The following MYOM1 variants were observed in gnomAD, a reference collection of about 807,000 sequenced individuals.
MYOM1 encodes the protein myomesin 1, also known as myomesin-1.
A neutral mutation model predicts 205.3 loss-of-function variants in MYOM1; 164 were observed. The observed-to-expected ratio is 0.80, with a 90% CI of 0.70 to 0.91. MYOM1 has a LOEUF of 0.91. Among genes scored for constraint, MYOM1 ranks in the 40% least tolerant of loss-of-function variants. The pLI, the probability that MYOM1 is intolerant of heterozygous loss-of-function variation, is 0.00. For missense variants in MYOM1, 2,011 were observed against 2,127.3 expected (o/e 0.95, Z 1.08); for synonymous variants, 772 against 789.4 (o/e 0.98, Z 0.37).
At chr18:3,221,476 G>T (rs545718395), upstream of MYOM1, among the ~76,000 whole-genome samples, 89 of 152,334 alleles carry the variant, frequency 5.8e-4, no homozygotes, top group African/African-American at 1.9e-3. Flanking sequence ...TACCTTGCAA[G>T]GTACAGCTTC....
At chr18:3,114,523 A>ACATGCCAC (rs1253537993) in intron 21 of MYOM1, among the ~76,000 whole-genome samples, 1 of 146,884 alleles carries the variant, frequency 6.8e-6, no homozygotes, top group Non-Finnish European at 1.5e-5. Flanking sequence ...GAATACAGGC[A>ACATGCCAC]CATGCCACCA....
intron 27 of MYOM1, among the ~76,000 whole-genome samples, chr18:3,090,356 A>G (rs1250957594): frequency 6.6e-6 from 1 of 151,240 alleles, no homozygotes; most frequent in African/African-American, 2.4e-5. Flanking sequence ...AGTAGCTGGG[A>G]CTACAGGTGC....
intron 10 of MYOM1, among the ~76,000 whole-genome samples, chr18:3,155,887 G>A (rs186478529): frequency 3.9e-5 from 6 of 152,218 alleles, no homozygotes; most frequent in Admixed American, 2.6e-4. Flanking sequence ...GAAAACATTC[G>A]TTTTAATCAA....
intron 26 of MYOM1, among the ~76,000 whole-genome samples, 196 bp from the exon 27 acceptor site, chr18:3,090,998 A>G (rs2079218368): frequency 1.3e-5 from 2 of 152,132 alleles, no homozygotes; most frequent in Admixed American, 6.6e-5. Context: ...CCTGAGCAGC[A>G]AAGCGAGACC....
intron 37 of MYOM1, 75 bp downstream of exon 37, chr18:3,071,759 G>T (rs753268904): frequency 1.4e-6 from 2 of 1,452,308 alleles, no homozygotes; most frequent in African/African-American, 1.4e-5. Flanking sequence ...TGCCTTAAAA[G>T]AAGGAACAAA....
At chr18:3,176,226 C>A in intron 5 of MYOM1, 92 bp from the exon 6 acceptor site, 2 of 741,774 alleles carry the variant, frequency 2.7e-6, no homozygotes, top group South Asian at 1.7e-5. Flanking sequence ...GCAGGAACAT[C>A]TGTAAACAGG....
rs186447069 is a variant in MYOM1, at chr18:3,155,206, C to T, written c.1502-118G>A. 9.8e-5 allele frequency: 101 copies of T among 1,028,060 alleles called. 2 individuals are homozygous for T. In the Middle Eastern group the frequency reaches 1.9e-3, roughly 19 times the overall value. 63.7% of individuals were successfully genotyped at this position (1,028,060 alleles called of 1,614,324 possible). Reference sequence around the variant, plus strand: ...ACAGTGGCTCAATCTTTGGCCCCAACGCAGCAAGCATCAAATCTTGCTATT... The same window carrying T: ...ACAGTGGCTCAATCTTTGGCCCCAATGCAGCAAGCATCAAATCTTGCTATT... On this transcript the variant is annotated intron_variant, in intron 10 of 37. Coordinates refer to ENST00000356443, the MANE Select transcript of MYOM1 (RefSeq NM_003803.4).
At chr18:3,075,374 T>C in intron 36 of MYOM1, 80 bp downstream of exon 36, 1 of 1,334,076 alleles carries the variant, frequency 7.5e-7, no homozygotes, top group Non-Finnish European at 1.1e-6. Context: ...CCTCCATCTG[T>C]AGTTATAATA....
At chr18:3,186,426 C>G (rs2080810401) in intron 5 of MYOM1, among the ~76,000 whole-genome samples, 2 of 152,116 alleles carry the variant, frequency 1.3e-5, no homozygotes, top group South Asian at 4.1e-4. Flanking sequence ...AATACCTGCA[C>G]CAGAGAGTAA....
chr18:3,101,953 T>A (rs1292472262), intron 23 of MYOM1, among the ~76,000 whole-genome samples: 1 of 151,172 alleles, frequency 6.6e-6, no homozygotes, highest in African/African-American at 2.4e-5. Context: ...CCTGAGTTGC[T>A]AGGATTTCAG....
rs749267113 is a variant in MYOM1, at chr18:3,067,353, G to A, written c.4967C>T (p.Thr1656Ile). 6.2e-6 allele frequency: 10 copies of A among 1,612,288 alleles called. No homozygotes were observed. The African/African-American group carries it at 9.3e-5, about 15-fold the overall frequency. ...GAACACGCTGACGGTGAAGTCGCTG[G>A]TCTCCGAGCCATACTTGTTCTTCAC... ...LVVKNKYGSE[T>I]SDFTVSVFIP... is the part of the protein sequence containing the mutation. The change falls in exon 38 of 38, where the codon ACC (threonine) becomes ATC (isoleucine). Residue 1656 changes from threonine (T) to isoleucine (I), a missense_variant. Thr to Ile is a moderately conservative substitution (Grantham distance 89, BLOSUM62 -1). Coordinates refer to ENST00000356443, the MANE Select transcript of MYOM1 (RefSeq NM_003803.4).
chr18:3,195,006 C>T (rs1021485000), intron 2 of MYOM1, among the ~76,000 whole-genome samples: 4 of 152,148 alleles, frequency 2.6e-5, no homozygotes, highest in African/African-American at 9.7e-5. Context: ...AAAAGCCAAG[C>T]TGCCCAGTTG....
chr18:3,233,898 A>T, the MYOM1 span, among the ~76,000 whole-genome samples: 1 of 152,246 alleles, frequency 6.6e-6, no homozygotes, highest in South Asian at 2.1e-4. Flanking sequence ...TCCCACTCCA[A>T]ATTATTAACA....
At chr18:3,247,324 G>C in the MYOM1 span, 1 of 152,304 alleles carries the variant, frequency 6.6e-6, no homozygotes, top group African/African-American at 2.4e-5. Flanking sequence ...ACTGCTCCGG[G>C]GCCCTCAGGC....
At chr18:3,203,655 G>A (rs761392840) in intron 2 of MYOM1, among the ~76,000 whole-genome samples, 12 of 150,656 alleles carry the variant, frequency 8.0e-5, no homozygotes, top group Non-Finnish European at 1.5e-4. Context: ...TTCCTACAAC[G>A]AAAAGTCCAT....
intron 12 of MYOM1, among the ~76,000 whole-genome samples, chr18:3,151,254 A>G (rs920728710): frequency 6.6e-6 from 1 of 151,508 alleles, no homozygotes; most frequent in Non-Finnish European, 1.5e-5. Flanking sequence ...TGAGATATTA[A>G]TGCTCTAAGG....
Position 3,193,853 on chromosome 18 carries a change from C to A in MYOM1, c.396G>T (p.Leu132Phe), listed in dbSNP as rs1399297084. ...SLLSGEEKEN[L>F]PSDYMVPIFS... ...AAATGGGTACCATGTAGTCACTGGG[C>A]AAATTTTCTTTCTCTTCTCCAGACA... Residue 132 changes from leucine to phenylalanine, a missense_variant, in exon 3 of 38, where the codon TTG (leucine) becomes TTT (phenylalanine). Physicochemically the swap from Leu to Phe is conservative, Grantham distance 22. Coordinates refer to ENST00000356443, the MANE Select transcript of MYOM1 (RefSeq NM_003803.4). 3.7e-6 allele frequency: 6 copies of A among 1,613,638 alleles called. No individual in the cohort carries two copies. Among genetic ancestry groups the A allele is most frequent in the Non-Finnish European group, 5.1e-6 (6 of 1,179,782 alleles).
Position 3,114,544 on chromosome 18 carries a change from A to ATTTTTTT in MYOM1, c.3303+1780_3303+1786dup, listed in dbSNP as rs5822738. ...AGGCACATGCCACCATGGTCAGCTA[A>ATTTTTTT]TTTTTTTTTTTTTTTTTTTTTTTTT... On this transcript the variant is annotated intron_variant, in intron 21 of 37. Coordinates refer to ENST00000356443, the MANE Select transcript of MYOM1 (RefSeq NM_003803.4). 3.8e-3 allele frequency among the ~76,000 whole-genome samples: 333 copies of ATTTTTTT among 88,324 alleles called. 5 individuals are homozygous for ATTTTTTT. Among genetic ancestry groups the ATTTTTTT allele is most frequent in the East Asian group, 0.014 (41 of 2,860 alleles). The allele number at this position is 88,324 out of a possible 152,430, so 57.9% of individuals were successfully genotyped here. A position where few individuals can be genotyped will look rare whatever the true frequency, so the allele number is the denominator to read the frequency against.
At chr18:3,155,432 G>A (rs557544952) in intron 10 of MYOM1, among the ~76,000 whole-genome samples, 70 of 152,260 alleles carry the variant, frequency 4.6e-4, no homozygotes, top group Middle Eastern at 3.4e-3. Context: ...CACCGTGTTA[G>A]CCAGGATGGT....
Sources: gnomAD v4.1 joint callset for allele counts (sites outside exome capture counted in the v4.1 genomes callset) on GRCh38, gnomAD v4.1.1 for gene constraint, MANE v1.5 for transcripts, NCBI Gene and HGNC (gene_info 2026-07-23, HGNC 2026-07-21) for gene names.